NUP160: variants seen among roughly 807,000 people sequenced by gnomAD.
NUP160 encodes nucleoporin 160.
NUP160 carries 94 observed loss-of-function variants against 196.9 expected under a neutral mutation model. The observed-to-expected ratio is 0.48, with a 90% CI of 0.40 to 0.57. NUP160 has a LOEUF of 0.57. Ranked by LOEUF, NUP160 falls within the 20% of genes least tolerant of loss-of-function variation. NUP160 has a pLI of 0.00. For missense variants in NUP160, 1,638 were observed against 1,748.3 expected (o/e 0.94, Z 1.13); for synonymous variants, 605 against 619.7 (o/e 0.98, Z 0.35).
At chr11:47,788,125 C>T (rs1599305953) in intron 31 of NUP160, 57 bp downstream of exon 31, 24 of 1,450,554 alleles carry the variant, frequency 1.7e-5, no homozygotes, top group Non-Finnish European at 2.2e-5. Context: ...TCACACTGAG[C>T]AAGAGGATAA....
Position 47,779,134 on chromosome 11 carries a change from G to A in NUP160, c.4282C>T (p.Arg1428Trp), listed in dbSNP as rs531308145. Reference sequence around the variant, plus strand: ...AAGGTCCGACGATATAATAAATCCCGTGTTGCCTTATCAACTTTTTGCTGG... The same window carrying A: ...AAGGTCCGACGATATAATAAATCCCATGTTGCCTTATCAACTTTTTGCTGG... The change falls in exon 36 of 36, where the codon CGG becomes TGG. Residue 1428 changes from arginine to tryptophan, a missense_variant. Physicochemically the swap from Arg to Trp is moderately radical, Grantham distance 101. Around this residue, in one of 3 missense-constraint regions of NUP160, gnomAD observed 1,345 missense variants for 1,470.2 expected, o/e 0.91. Transcript: ENST00000378460. 2.9e-5 allele frequency: 47 copies of A among 1,613,576 alleles called. No homozygotes were observed. The South Asian group carries it at 4.3e-4, about 15-fold the overall frequency.
At chr11:47,841,435 G>A (rs1852295696) in intron 2 of NUP160, 6 of 431,398 alleles carry the variant, frequency 1.4e-5, no homozygotes, top group Admixed American at 6.1e-5. Flanking sequence ...GTTCACAGGC[G>A]CCACTGGCAG....
chr11:47,812,889 T>C (rs760404051), exon 15 of NUP160: 4 of 1,611,510 alleles, frequency 2.5e-6, no homozygotes, highest in Non-Finnish European at 3.4e-6. Context: ...TACACATCAA[T>C]AGTGATCATA....
intron 7 of NUP160, chr11:47,826,943 G>T (rs116983862): frequency 0.029 from 12,170 of 425,992 alleles, 222 homozygotes; most frequent in Middle Eastern, 0.087. Flanking sequence ...AAAATCAGTG[G>T]TGGGTAAAAT....
Position 47,813,052 on chromosome 11 carries a change from A to C in NUP160, c.1787-5T>G. On this transcript the variant is annotated splice_polypyrimidine_tract_variant and splice_region_variant and intron_variant, in intron 14 of 35. Coordinates refer to ENST00000378460, the Ensembl canonical transcript of NUP160. ...CATCCCGAGCGATGTCCACATCTAC[A>C]AATAAGAGAAAGTTAACATTTATGT... 6.3e-7 allele frequency: 1 copy of C among 1,584,970 alleles called. No individual in the cohort carries two copies. The highest frequency in any genetic ancestry group is 1.1e-5 in the South Asian group (1 of 88,862).
chr11:47,809,812 G>C (rs1052563021), intron 17 of NUP160, among the ~76,000 whole-genome samples: 3 of 146,154 alleles, frequency 2.1e-5, no homozygotes, highest in Admixed American at 6.8e-5. Flanking sequence ...AAAGAAAAAT[G>C]TTGAGATTTA....
At chr11:47,810,849 GTTAATACAT>G (rs898452718) in intron 17 of NUP160, among the ~76,000 whole-genome samples, 94 of 152,166 alleles carry the variant, frequency 6.2e-4, no homozygotes, top group African/African-American at 2.2e-3. Flanking sequence ...CCCAGCCTGA[GTTAATACAT>G]TCTGACTTAA....
At chr11:47,806,997 C>A in intron 19 of NUP160, 73 bp downstream of exon 19, 1 of 1,139,746 alleles carries the variant, frequency 8.8e-7, no homozygotes, top group Non-Finnish European at 1.3e-6. Flanking sequence ...GCAAAGGTGG[C>A]AAAAGACCAC....
At chr11:47,795,007 A>AGG (rs981320777) in intron 27 of NUP160, among the ~76,000 whole-genome samples, 1 of 152,130 alleles carries the variant, frequency 6.6e-6, no homozygotes, top group Non-Finnish European at 1.5e-5. Flanking sequence ...AGGCTGAGGC[A>AGG]GGAGAATTGC....
intron 20 of NUP160, among the ~76,000 whole-genome samples, chr11:47,805,013 G>A (rs1198913044): frequency 6.6e-6 from 1 of 152,082 alleles, no homozygotes; most frequent in Non-Finnish European, 1.5e-5. Flanking sequence ...TCATTCCTGG[G>A]TGTTCATTTT....
chr11:47,778,483 G>A (rs1030794200), exon 36 of NUP160: 2 of 152,476 alleles, frequency 1.3e-5, no homozygotes, highest in Non-Finnish European at 2.9e-5. Flanking sequence ...TCTTAGCTAA[G>A]AATTTACTCA....
chr11:47,810,550 T>C (rs2135373326), intron 17 of NUP160, among the ~76,000 whole-genome samples: 1 of 146,284 alleles, frequency 6.8e-6, no homozygotes, highest in Non-Finnish European at 1.5e-5. Context: ...TATAATTTCT[T>C]TTTTTTTTTT....
chr11:47,823,736 C>T (rs543062322), intron 7 of NUP160, among the ~76,000 whole-genome samples: 25 of 151,776 alleles, frequency 1.6e-4, no homozygotes, highest in African/African-American at 2.2e-4. Context: ...GGGGTTTCAC[C>T]GTGTTATCCA....
Position 47,793,762 on chromosome 11 carries a change from C to T in NUP160, c.3290-816G>A, listed in dbSNP as rs1222473048. Among the ~76,000 whole-genome samples, 6 of 37,138 alleles carry T rather than the reference C, an allele frequency of 1.6e-4. No homozygotes were observed. The East Asian group carries it at 2.3e-3, about 14-fold the overall frequency. The allele number at this position is 37,138 out of a possible 152,430, so 24.4% of individuals were successfully genotyped here. A position where few individuals can be genotyped will look rare whatever the true frequency, so the allele number is the denominator to read the frequency against. Reference sequence around the variant, plus strand: ...TTTTTTTTTTTTTTTTTTTTTGAGACGGAGTTTTGTTCTTGTTGCCAAAGG... The same window carrying T: ...TTTTTTTTTTTTTTTTTTTTTGAGATGGAGTTTTGTTCTTGTTGCCAAAGG... On this transcript the variant is annotated intron_variant, in intron 27 of 35. Transcript: ENST00000378460.
chr11:47,822,701 T>C (rs1303640256), intron 7 of NUP160, among the ~76,000 whole-genome samples: 4 of 152,146 alleles, frequency 2.6e-5, no homozygotes, highest in Non-Finnish European at 5.9e-5. Context: ...GTATATCTCC[T>C]AATGTTATCC....
chr11:47,840,182 A>G, intron 3 of NUP160, 117 bp from the exon 4 acceptor site: 4 of 875,880 alleles, frequency 4.6e-6, no homozygotes, highest in South Asian at 3.1e-5. Flanking sequence ...TAAGAAAGCT[A>G]TTCTTCTTAA....
rs753267634 is a variant in NUP160 at position 47,783,072 on chromosome 11, C to T, written c.4116+1G>A. The T allele has an allele frequency of 2.2e-5, 36 of 1,612,746 alleles. No individual in the cohort carries two copies. Among genetic ancestry groups the T allele is most frequent in the Non-Finnish European group, 3.0e-5 (35 of 1,179,284 alleles). ...ATTGGGGACCATTTGTATATGCCTA[C>T]CTCAATTCCGAAGTATTGATGTCCT... On this transcript the variant is annotated splice_donor_variant, in intron 34 of 35. Coordinates refer to ENST00000378460, the Ensembl canonical transcript of NUP160. LOFTEE classifies it high-confidence loss of function.
At chr11:47,785,098 A>ATTATTTTTTTTTTTTTTTT in intron 32 of NUP160, 35 bp from the exon 33 acceptor site, 3 of 1,137,366 alleles carry the variant, frequency 2.6e-6, no homozygotes, top group Non-Finnish European at 1.2e-6. Flanking sequence ...TGAGTTTCAG[A>ATTATTTTTTTTTTTTTTTT]TTCTTAATAG....
At chr11:47,817,421 C>A (rs1299566708) in intron 11 of NUP160, among the ~76,000 whole-genome samples, 1 of 151,294 alleles carries the variant, frequency 6.6e-6, no homozygotes, top group Admixed American at 6.6e-5. Context: ...TGGCTCACTG[C>A]AACCTCTGCC....
Sources: gnomAD v4.1 joint callset for allele counts (sites outside exome capture counted in the v4.1 genomes callset) on GRCh38, gnomAD v4.1.1 for gene constraint, gnomAD v4.1.1 regional missense constraint, MANE v1.5 for transcripts, NCBI Gene and HGNC (gene_info 2026-07-23, HGNC 2026-07-21) for gene names.